Variants in ZCCHC14 observed in about 807,000 individuals in gnomAD.
ZCCHC14 encodes zinc finger CCHC-type containing 14.
Under a neutral mutation model 85.0 loss-of-function variants are expected in ZCCHC14, and 16 were observed. The ratio of observed to expected loss-of-function variants is 0.19; its 90% CI spans 0.13 to 0.29. The LOEUF (loss-of-function observed/expected upper bound fraction) is 0.29. Ranked by LOEUF, ZCCHC14 falls within the 10% of genes least tolerant of loss-of-function variation. ZCCHC14 has a pLI of 1.00. For synonymous variants in ZCCHC14, 775 were observed against 630.7 expected (o/e 1.23, Z -3.43); for missense variants, 1,303 against 1,443.5 (o/e 0.90, Z 1.58).
At chr16:87,430,520 CTT>C (rs1436434216) in intron 3 of ZCCHC14, among the ~76,000 whole-genome samples, 1 of 150,946 alleles carries the variant, frequency 6.6e-6, no homozygotes, top group Admixed American at 6.6e-5. Flanking sequence ...AACTTGATTT[CTT>C]TCTTTTTTTT....
intron 1 of ZCCHC14, chr16:87,472,565 C>G (rs1911819249): frequency 6.6e-6 from 1 of 152,426 alleles, no homozygotes; most frequent in African/African-American, 2.4e-5. Flanking sequence ...GGTACAAAGT[C>G]AGCACTTAGG....
chr16:87,452,932 T>C (rs1474228681), intron 2 of ZCCHC14, among the ~76,000 whole-genome samples: 1 of 152,202 alleles, frequency 6.6e-6, no homozygotes, highest in East Asian at 1.9e-4. Flanking sequence ...AGTGCACACA[T>C]GTGCCCACGC....
chr16:87,477,323 C>T (rs569427843), intron 1 of ZCCHC14, among the ~76,000 whole-genome samples: 3 of 152,306 alleles, frequency 2.0e-5, no homozygotes, highest in East Asian at 1.9e-4. Context: ...TGAATAAAAA[C>T]GAGCCGCTGG....
At chr16:87,431,851 T>C (rs1909679868) in intron 3 of ZCCHC14, among the ~76,000 whole-genome samples, 1 of 152,166 alleles carries the variant, frequency 6.6e-6, no homozygotes, top group African/African-American at 2.4e-5. Context: ...GGTCTTTCCC[T>C]GGGCTCCGCC....
intron 2 of ZCCHC14, among the ~76,000 whole-genome samples, chr16:87,453,530 G>C (rs1457664051): frequency 1.3e-5 from 2 of 152,200 alleles, no homozygotes; most frequent in African/African-American, 2.4e-5. Flanking sequence ...CCCAGACAAA[G>C]CCCAGGCTCT....
intron 2 of ZCCHC14, among the ~76,000 whole-genome samples, chr16:87,444,217 T>TAA (rs1183781253): frequency 6.6e-6 from 1 of 152,066 alleles, no homozygotes; most frequent in Non-Finnish European, 1.5e-5. Context: ...CCGTTGGAAA[T>TAA]TGTTGATTTC....
intron 2 of ZCCHC14, among the ~76,000 whole-genome samples, chr16:87,459,115 AC>A (rs890837218): frequency 7.2e-5 from 11 of 152,090 alleles, no homozygotes; most frequent in Non-Finnish European, 7.3e-5. Context: ...GCGCCTCACT[AC>A]CCACGCTGAG....
intron 2 of ZCCHC14, among the ~76,000 whole-genome samples, chr16:87,446,162 C>A (rs538897326): frequency 5.2e-4 from 74 of 142,534 alleles, no homozygotes; most frequent in Admixed American, 7.3e-4. Flanking sequence ...AGCAAAACTC[C>A]GTCTCAAAAA....
At chr16:87,472,731 A>C (rs1911825446) in intron 1 of ZCCHC14, 3 of 152,164 alleles carry the variant, frequency 2.0e-5, no homozygotes, top group Admixed American at 6.6e-5. Context: ...CTCAAGAAAA[A>C]TGCACTTTTT....
At chr16:87,489,315 C>T (rs568781836) in intron 1 of ZCCHC14, among the ~76,000 whole-genome samples, 2 of 152,276 alleles carry the variant, frequency 1.3e-5, no homozygotes, top group African/African-American at 4.8e-5. Context: ...ACAGAATCTT[C>T]CAGTTTTCCA....
chr16:87,452,175 G>A (rs1271374037), intron 2 of ZCCHC14, among the ~76,000 whole-genome samples: 1 of 152,258 alleles, frequency 6.6e-6, no homozygotes, highest in Non-Finnish European at 1.5e-5. Flanking sequence ...TGAGGGGGAA[G>A]AAACAATGAT....
chr16:87,438,325 A>G (rs903746666), intron 2 of ZCCHC14, among the ~76,000 whole-genome samples: 1 of 152,262 alleles, frequency 6.6e-6, no homozygotes, highest in African/African-American at 2.4e-5. Context: ...CTATGCATGT[A>G]CAAGAATGAT....
intron 1 of ZCCHC14, among the ~76,000 whole-genome samples, chr16:87,469,050 C>A (rs1911662169): frequency 6.6e-6 from 1 of 152,174 alleles, no homozygotes; most frequent in Non-Finnish European, 1.5e-5. Flanking sequence ...TTGTGAGAGA[C>A]CATGGAGAAT....
At chr16:87,479,079 G>A (rs917624011) in intron 1 of ZCCHC14, among the ~76,000 whole-genome samples, 3 of 151,968 alleles carry the variant, frequency 2.0e-5, no homozygotes, top group African/African-American at 7.3e-5. Context: ...AATCCTTCTA[G>A]CACTAGTTCC....
chr16:87,492,277 C>T lies in ZCCHC14; in HGVS notation c.-39G>A. 1.0e-6 allele frequency: 1 copy of T among 977,934 alleles called. No individual in the cohort carries two copies. Among genetic ancestry groups the T allele is most frequent in the Non-Finnish European group, 1.2e-6 (1 of 826,538 alleles). The allele number at this position is 977,934 out of a possible 1,614,324, so 60.6% of individuals were successfully genotyped here. On this transcript the variant is annotated 5_prime_UTR_variant, in exon 1 of 13. Transcript: ENST00000671377. The surrounding 1 kb of genome is among the most constrained non-coding windows in gnomAD (Gnocchi z 6.7). ...CCGCGCCGCGACCCGGGGCCGGGGA[C>T]CGCGCGGGGGCGGCCGGGGGGCGCC...
intron 1 of ZCCHC14, among the ~76,000 whole-genome samples, chr16:87,460,407 A>G (rs1243175273): frequency 6.6e-6 from 1 of 152,172 alleles, no homozygotes; most frequent in Non-Finnish European, 1.5e-5. Context: ...GTAGCCAAAG[A>G]GGCCGGGCAC....
chr16:87,450,464 T>C (rs925559589), intron 2 of ZCCHC14, among the ~76,000 whole-genome samples: 4 of 152,202 alleles, frequency 2.6e-5, no homozygotes, highest in African/African-American at 9.7e-5. Flanking sequence ...TTTTCTTTGG[T>C]TTTTTATTAT....
rs372184301 is a variant in ZCCHC14 at position 87,491,531 on chromosome 16, G to A, written c.570+138C>T. 1.5e-4 allele frequency: 105 copies of A among 718,270 alleles called. 1 individual carries two copies. In the African/African-American group the frequency reaches 1.7e-3, roughly 12 times the overall value. 44.5% of individuals were successfully genotyped at this position (718,270 alleles called of 1,614,324 possible). ...ATACGGGCTGGGGGCTCGTGGTGCA[G>A]GTTGGAGACCTGGGTGGGAGCTCTC... is the stretch of plus-strand genomic sequence containing the variant. On this transcript the variant is annotated intron_variant, in intron 1 of 12. Transcript: ENST00000671377. This position sits in a 1 kb window ranked among gnomAD's most constrained non-coding sequence, Gnocchi z 5.9.
chr16:87,441,694 A>G (rs76910945), intron 2 of ZCCHC14, among the ~76,000 whole-genome samples: 3,634 of 152,378 alleles, frequency 0.024, 77 homozygotes, highest in Middle Eastern at 0.1. Context: ...GAGATTAAAA[A>G]TAATTCATCA....
Sources: gnomAD v4.1 joint callset for allele counts (sites outside exome capture counted in the v4.1 genomes callset) on GRCh38, gnomAD v4.1.1 for gene constraint, Gnocchi (gnomAD v3.1) non-coding constraint, MANE v1.5 for transcripts, NCBI Gene and HGNC (gene_info 2026-07-23, HGNC 2026-07-21) for gene names.